CELF2: variants seen among roughly 807,000 people sequenced by gnomAD.
CELF2 encodes the protein CUGBP Elav-like family member 2, also known as CUG triplet repeat RNA-binding protein 2.
CELF2 carries 8 observed loss-of-function variants against 62.6 expected under a neutral mutation model. That is an observed-to-expected ratio of 0.13 (90% CI 0.07 to 0.23). The LOEUF is 0.23. Ranked by LOEUF, CELF2 falls within the 10% of genes least tolerant of loss-of-function variation. The pLI is 1.00. For missense variants in CELF2, 333 were observed against 671.0 expected, an observed-to-expected ratio of 0.50 and a Z score of 5.56; for synonymous variants, 258 against 250.0, an observed-to-expected ratio of 1.03 and a Z score of -0.30.
the CELF2 span, among the ~76,000 whole-genome samples, chr10:10,535,017 C>T: frequency 6.6e-6 from 1 of 152,196 alleles, no homozygotes; most frequent in Non-Finnish European, 1.5e-5. Context: ...AATCCCATTA[C>T]ATCAGCCTTA....
chr10:10,542,916 T>C, the CELF2 span, among the ~76,000 whole-genome samples: 3 of 152,208 alleles, frequency 2.0e-5, no homozygotes, highest in Non-Finnish European at 2.9e-5. Flanking sequence ...GCCAGAGTTT[T>C]ATTTTTATAT....
chr10:10,747,942 G>A, the CELF2 span, among the ~76,000 whole-genome samples: 2 of 152,210 alleles, frequency 1.3e-5, no homozygotes, highest in African/African-American at 2.4e-5. Flanking sequence ...GTGCCCAGCC[G>A]GGTTTACATT....
At chr10:10,681,471 C>T in the CELF2 span, among the ~76,000 whole-genome samples, 5 of 152,146 alleles carry the variant, frequency 3.3e-5, no homozygotes, top group Non-Finnish European at 7.4e-5. Flanking sequence ...TCCAACTACT[C>T]ACCTACTGTC....
Position 11,318,554 on chromosome 10 carries a change from C to G in CELF2, c.1097-2635C>G, listed in dbSNP as rs2095220375. On this transcript the variant is annotated intron_variant, in intron 10 of 12. Transcript: ENST00000633077. This position sits in a 1 kb window ranked among gnomAD's most constrained non-coding sequence, Gnocchi z 5.4. Reference sequence around the variant, plus strand: ...GGTGTAGTCCAGAGACACAGCCAGCCTCTGTGAAGTGGAGCCAGGAGAGAA... The same window carrying G: ...GGTGTAGTCCAGAGACACAGCCAGCGTCTGTGAAGTGGAGCCAGGAGAGAA... 4 of 366,082 alleles carry G rather than the reference C, an allele frequency of 1.1e-5. No homozygotes were observed. The highest frequency in any genetic ancestry group is 2.2e-5 in the Non-Finnish European group (4 of 183,200). The allele number at this position is 366,082 out of a possible 1,614,324, so 22.7% of individuals were successfully genotyped here.
intron 2 of CELF2, among the ~76,000 whole-genome samples, chr10:10,927,842 A>G (rs577468851): frequency 1.3e-5 from 2 of 152,200 alleles, no homozygotes; most frequent in Admixed American, 6.5e-5. Flanking sequence ...CTCTTTTGCA[A>G]TTCATTCTCT....
chr10:10,469,245 A>T, the CELF2 span, among the ~76,000 whole-genome samples: 1 of 151,920 alleles, frequency 6.6e-6, no homozygotes, highest in East Asian at 1.9e-4. Flanking sequence ...TTCTAAATAC[A>T]CCATCAACTT....
At chr10:10,471,603 G>A in the CELF2 span, among the ~76,000 whole-genome samples, 1 of 151,282 alleles carries the variant, frequency 6.6e-6, no homozygotes, top group Non-Finnish European at 1.5e-5. Flanking sequence ...TTTACTTTCT[G>A]GCTTTTGAGC....
intron 1 of CELF2, among the ~76,000 whole-genome samples, chr10:11,149,780 CTAAG>C (rs772587820): frequency 6.6e-6 from 1 of 152,178 alleles, no homozygotes; most frequent in East Asian, 1.9e-4. Flanking sequence ...AAGCTGATCG[CTAAG>C]TGTGTGTGTC....
intron 9 of CELF2, among the ~76,000 whole-genome samples, chr10:11,304,569 G>A (rs1202981172): frequency 6.6e-6 from 1 of 150,390 alleles, no homozygotes; most frequent in East Asian, 1.9e-4. Flanking sequence ...CATGGCCGGG[G>A]CTGAGTGTGC....
rs1389971748 is a variant in CELF2 at position 11,306,467 on chromosome 10, A to C, written c.977-7672A>C. On this transcript the variant is annotated intron_variant, in intron 9 of 12. Transcript: ENST00000633077. This position sits in a 1 kb window ranked among gnomAD's most constrained non-coding sequence, Gnocchi z 4.4. Reference sequence around the variant, plus strand: ...TGTCTCTGTCTAAGACCTCTTTCTCAATTGTGCATCTGCTGAACGGTCAGT... The same window carrying C: ...TGTCTCTGTCTAAGACCTCTTTCTCCATTGTGCATCTGCTGAACGGTCAGT... Among the ~76,000 whole-genome samples, 1 of 152,028 alleles carries C rather than the reference A, an allele frequency of 6.6e-6. No homozygotes were observed. The highest frequency in any genetic ancestry group is 2.4e-5 in the African/African-American group (1 of 41,390).
In CELF2 at chr10:10,993,986, A is replaced by C. The variant is rs1156479705; in HGVS notation, c.89+73987A>C. ...CTCATGAGAAACCAAACCTGCTGTC[A>C]CCTTGATCTTGACTTCCAGCCTCCA... On this transcript the variant is annotated intron_variant, in intron 2 of 13. Transcript: ENST00000636488. The surrounding 1 kb of genome is among the most constrained non-coding windows in gnomAD (Gnocchi z 5.3). Among the ~76,000 whole-genome samples, 2 of 152,338 alleles carry C rather than the reference A, an allele frequency of 1.3e-5. No individual in the cohort carries two copies. Among genetic ancestry groups the C allele is most frequent in the African/African-American group, 4.8e-5 (2 of 41,576 alleles).
rs970875033 is a variant in CELF2, at chr10:11,255,684, C to G, written c.404-2054C>G. Among the ~76,000 whole-genome samples the G allele has an allele frequency of 2.0e-5, 3 of 152,130 alleles. No individual in the cohort carries two copies. Among genetic ancestry groups the G allele is most frequent in the African/African-American group, 7.2e-5 (3 of 41,406 alleles). On this transcript the variant is annotated intron_variant, in intron 4 of 12. Coordinates refer to ENST00000633077, the MANE Select transcript of CELF2 (RefSeq NM_001326342.2). This position sits in a 1 kb window ranked among gnomAD's most constrained non-coding sequence, Gnocchi z 5.5. Reference sequence around the variant, plus strand: ...CTGGGTGGAAGGGATTCTGACCCCCCACTCACCGTCCCTGCCTCAAGAGCC... The same window carrying G: ...CTGGGTGGAAGGGATTCTGACCCCCGACTCACCGTCCCTGCCTCAAGAGCC...
chr10:11,014,202 G>A (rs898875833), upstream of CELF2, among the ~76,000 whole-genome samples: 2 of 152,194 alleles, frequency 1.3e-5, no homozygotes, highest in East Asian at 1.9e-4. Flanking sequence ...TTGTCATGAC[G>A]AGCCAGAAAT....
chr10:10,879,916 C>T (rs1296102425), intron 1 of CELF2, among the ~76,000 whole-genome samples: 1 of 152,168 alleles, frequency 6.6e-6, no homozygotes, highest in Non-Finnish European at 1.5e-5. Context: ...TGACCATCTT[C>T]CTAATTATAA....
the CELF2 span, among the ~76,000 whole-genome samples, chr10:10,733,741 T>C: frequency 6.6e-6 from 1 of 152,084 alleles, no homozygotes; most frequent in African/African-American, 2.4e-5. Context: ...ACTTATTCAC[T>C]ACCATGAGAA....
At chr10:10,600,464 G>A in the CELF2 span, among the ~76,000 whole-genome samples, 1 of 152,152 alleles carries the variant, frequency 6.6e-6, no homozygotes. Flanking sequence ...ATACAATTTG[G>A]ATCAAAACAG....
rs1438920695 is a variant in CELF2, at chr10:11,177,660, T to C, written c.271+11978T>C. Among the ~76,000 whole-genome samples, 1 of 152,208 alleles carries C rather than the reference T, an allele frequency of 6.6e-6. No individual in the cohort carries two copies. The highest frequency in any genetic ancestry group is 1.5e-5 in the Non-Finnish European group (1 of 68,030). ...AAAGAAGGAAATAGGGGCCTTAGTT[T>C]TTAAATCCTCTGTAAGATAGTCAAG... is the stretch of plus-strand genomic sequence containing the variant. On this transcript the variant is annotated intron_variant, in intron 2 of 12. Coordinates refer to ENST00000633077, the MANE Select transcript of CELF2 (RefSeq NM_001326342.2). The surrounding 1 kb of genome is among the most constrained non-coding windows in gnomAD (Gnocchi z 4.8).
chr10:10,705,024 G>A, the CELF2 span, among the ~76,000 whole-genome samples: 1 of 151,812 alleles, frequency 6.6e-6, no homozygotes, highest in African/African-American at 2.4e-5. Context: ...CCTGGTCTGT[G>A]CAGAAAATTT....
chr10:11,034,805 C>G (rs904857212), intron 1 of CELF2, among the ~76,000 whole-genome samples: 8 of 152,144 alleles, frequency 5.3e-5, no homozygotes, highest in African/African-American at 1.9e-4. Flanking sequence ...CCCTAAACTT[C>G]TGTAGCAGAG....
Sources: allele counts gnomAD v4.1 joint callset (sites outside exome capture counted in the v4.1 genomes callset), GRCh38; gene constraint gnomAD v4.1.1; non-coding constraint Gnocchi (gnomAD v3.1); transcripts MANE v1.5; gene names NCBI Gene and HGNC (gene_info 2026-07-23, HGNC 2026-07-21).